PCNX2: variants seen among roughly 807,000 people sequenced by gnomAD.
The protein encoded by PCNX2 is pecanex-like protein 2.
A neutral mutation model predicts 223.8 loss-of-function variants in PCNX2; 168 were observed. The observed-to-expected ratio is 0.75, with a 90% CI of 0.66 to 0.85. The LOEUF is 0.85. Ranked by LOEUF, PCNX2 falls within the 40% of genes least tolerant of loss-of-function variation. The pLI, the probability that PCNX2 is intolerant of heterozygous loss-of-function variation, is 0.00. For missense variants in PCNX2, 2,507 were observed against 2,675.5 expected (o/e 0.94, Z 1.39); for synonymous variants, 1,006 against 1,052.6 (o/e 0.96, Z 0.86).
At chr1:233,030,720 C>G (rs560302238) in intron 25 of PCNX2, among the ~76,000 whole-genome samples, 26 of 152,198 alleles carry the variant, frequency 1.7e-4, no homozygotes, top group Non-Finnish European at 3.4e-4. Flanking sequence ...CCAAGATGTT[C>G]AGCAAGGTCT....
intron 21 of PCNX2, 150 bp downstream of exon 21, chr1:233,134,863 T>C: frequency 1.5e-6 from 1 of 679,120 alleles, no homozygotes; most frequent in Non-Finnish European, 2.4e-6. Context: ...TTTCCCCAAA[T>C]GGTAGCAAGA....
intron 22 of PCNX2, chr1:233,095,495 A>C: frequency 4.2e-6 from 2 of 479,628 alleles, no homozygotes; most frequent in Non-Finnish European, 7.5e-6. Flanking sequence ...CTTAATGCAG[A>C]TCTGGGCATG....
At chr1:233,019,864 C>T (rs1048341097) in intron 26 of PCNX2, among the ~76,000 whole-genome samples, 9 of 152,094 alleles carry the variant, frequency 5.9e-5, no homozygotes, top group African/African-American at 1.9e-4. Flanking sequence ...CAGTTTAAGT[C>T]GTCGGCCCAA....
chr1:233,211,777 T>C, intron 12 of PCNX2: 9 of 985,310 alleles, frequency 9.1e-6, no homozygotes, highest in Non-Finnish European at 8.4e-6. Flanking sequence ...ATTTCATTCA[T>C]ACTCACCACT....
rs187296713 is a variant in PCNX2 at position 233,128,242 on chromosome 1, A to T, written c.3837+6771T>A. Among the ~76,000 whole-genome samples the T allele has an allele frequency of 1.2e-4, 19 of 152,286 alleles. No individual in the cohort carries two copies. The East Asian group carries it at 3.7e-3, about 29-fold the overall frequency. ...AATGTATTCTGGAAATGCTGGCAGA[A>T]TGATCCTATGGCAGGATTTTCTCAA... is the stretch of plus-strand genomic sequence containing the variant. On this transcript the variant is annotated intron_variant, in intron 21 of 33. Transcript: ENST00000258229.
chr1:233,057,113 G>T (rs2102879778), intron 24 of PCNX2, 119 bp downstream of exon 24: 1 of 899,892 alleles, frequency 1.1e-6, no homozygotes, highest in Non-Finnish European at 1.7e-6. Context: ...ACATTCAGCA[G>T]ATTAACTAAG....
At chr1:233,162,369 T>C (rs1678545156) in intron 17 of PCNX2, among the ~76,000 whole-genome samples, 1 of 152,200 alleles carries the variant, frequency 6.6e-6, no homozygotes, top group Admixed American at 6.5e-5. Context: ...TACCTCCCTT[T>C]CTCATATCGA....
intron 9 of PCNX2, chr1:233,231,796 G>T: frequency 2.5e-6 from 1 of 405,100 alleles, no homozygotes; most frequent in Non-Finnish European, 3.3e-6. Flanking sequence ...TCACAGAGTG[G>T]CTGCCAAGGA....
At chr1:233,083,534 T>G (rs1673459865) in intron 23 of PCNX2, among the ~76,000 whole-genome samples, 3 of 152,200 alleles carry the variant, frequency 2.0e-5, no homozygotes, top group Admixed American at 2.0e-4. Flanking sequence ...CTACCGTAAT[T>G]CCTAAGGGTC....
chr1:233,096,447 G>C (rs1558226938), intron 21 of PCNX2, among the ~76,000 whole-genome samples: 1 of 152,198 alleles, frequency 6.6e-6, no homozygotes, highest in Admixed American at 6.5e-5. Context: ...CAGTTCAGTG[G>C]TTTGACTGGA....
intron 21 of PCNX2, among the ~76,000 whole-genome samples, chr1:233,107,540 C>A (rs566801216): frequency 1.3e-5 from 2 of 152,104 alleles, no homozygotes; most frequent in Admixed American, 1.3e-4. Context: ...TTGACATTTG[C>A]CAACAAAAAC....
chr1:233,130,277 C>A (rs1177495901), intron 21 of PCNX2, among the ~76,000 whole-genome samples: 4 of 152,092 alleles, frequency 2.6e-5, no homozygotes, highest in African/African-American at 9.7e-5. Flanking sequence ...ACCAAGAACC[C>A]ACCAATTCCG....
intron 32 of PCNX2, among the ~76,000 whole-genome samples, chr1:232,992,139 C>T (rs12080536): frequency 0.046 from 6,935 of 152,284 alleles, 491 homozygotes; most frequent in African/African-American, 0.16. Context: ...TCAATCTCCC[C>T]TGTCTTCTTC....
chr1:233,083,417 A>G (rs1180628264), intron 23 of PCNX2, among the ~76,000 whole-genome samples: 1 of 152,176 alleles, frequency 6.6e-6, no homozygotes, highest in East Asian at 1.9e-4. Context: ...ATTCAACTCA[A>G]TGAAGAGCTC....
At chr1:233,237,815 A>C (rs1040937692) in intron 8 of PCNX2, among the ~76,000 whole-genome samples, 1 of 152,136 alleles carries the variant, frequency 6.6e-6, no homozygotes, top group Non-Finnish European at 1.5e-5. Context: ...CCAGGGAAAA[A>C]TCCTGGTCTT....
Position 233,258,096 on chromosome 1 carries a change from G to T in PCNX2, c.1766C>A (p.Ser589Tyr), listed in dbSNP as rs764435182. ...FVSLLESINTSKMTASSQLNG... is the reference protein window; with the variant it reads ...FVSLLESINTYKMTASSQLNG... ...CAGTTGACTGGATGCCGTCATCTTG[G>T]AAGTATTAATGGATTCTAACAGGGA... The change falls in exon 5 of 34, where the codon TCC becomes TAC. Residue 589 changes from serine (S) to tyrosine (Y), a missense_variant. This residue lies in a region of PCNX2 where 1,031 missense variants were observed against 1,021.7 expected (regional missense o/e 1.01). Coordinates refer to ENST00000258229, the MANE Select transcript of PCNX2 (RefSeq NM_014801.4). 19 of 1,613,808 alleles carry T rather than the reference G, an allele frequency of 1.2e-5. No homozygotes were observed. The Admixed American group carries it at 3.2e-4, about 27-fold the overall frequency.
chr1:233,157,600 C>A (rs1480137068), intron 19 of PCNX2, among the ~76,000 whole-genome samples: 1 of 152,106 alleles, frequency 6.6e-6, no homozygotes, highest in African/African-American at 2.4e-5. Flanking sequence ...AATATGTGAG[C>A]ATCACTTTCA....
Position 233,139,788 on chromosome 1 carries a change from C to A in PCNX2, c.3585G>T (p.Leu1195Phe), listed in dbSNP as rs752413733. The A allele has an allele frequency of 3.0e-5, 49 of 1,612,972 alleles. No individual in the cohort carries two copies. The highest frequency in any genetic ancestry group is 4.1e-5 in the Non-Finnish European group (48 of 1,179,566). ...VWLQCFEKYI[L>F]YPALILNALT... is the part of the protein sequence containing the mutation. Reference sequence around the variant, plus strand: ...GGGCATTCAAAATTAGCGCTGGGTACAAGATGTATTTTTCAAAACACTGAA... The same window carrying A: ...GGGCATTCAAAATTAGCGCTGGGTAAAAGATGTATTTTTCAAAACACTGAA... The change falls in exon 20 of 34, where the codon TTG becomes TTT. Residue 1195 changes from leucine to phenylalanine, a missense_variant. Leu to Phe is a conservative substitution (Grantham distance 22). Around this residue, in one of 3 missense-constraint regions of PCNX2, gnomAD observed 1,372 missense variants for 1,509.4 expected, o/e 0.91. Coordinates refer to ENST00000258229, the MANE Select transcript of PCNX2 (RefSeq NM_014801.4). This position sits in a 1 kb window ranked among gnomAD's most constrained non-coding sequence, Gnocchi z 4.4.
At chr1:233,157,903 TGTAG>T (rs1216769083) in intron 19 of PCNX2, among the ~76,000 whole-genome samples, 1 of 152,232 alleles carries the variant, frequency 6.6e-6, no homozygotes, top group East Asian at 1.9e-4. Flanking sequence ...AAATAGCTAG[TGTAG>T]GTAGGTGAGA....
Sources: allele counts gnomAD v4.1 joint callset (sites outside exome capture counted in the v4.1 genomes callset), GRCh38; gene constraint gnomAD v4.1.1; regional missense constraint gnomAD v4.1.1; non-coding constraint Gnocchi (gnomAD v3.1); transcripts MANE v1.5; gene names NCBI Gene and HGNC (gene_info 2026-07-23, HGNC 2026-07-21).